RIT2: variants seen among roughly 807,000 people sequenced by gnomAD.
The protein encoded by RIT2 is GTP-binding protein Rit2.
Under a neutral mutation model 23.7 loss-of-function variants are expected in RIT2, and 24 were observed. That is an observed-to-expected ratio of 1.01 (90% CI 0.73 to 1.43). RIT2 has a LOEUF of 1.43. RIT2 is among the 40% of genes most tolerant of loss of function. RIT2 has a pLI of 0.00. For missense variants in RIT2, 236 were observed against 266.9 expected (o/e 0.88, Z 0.81); for synonymous variants, 107 against 91.1 (o/e 1.17, Z -0.99).
chr18:42,855,845 T>C (rs923591111), intron 4 of RIT2, among the ~76,000 whole-genome samples: 10 of 152,198 alleles, frequency 6.6e-5, no homozygotes, highest in African/African-American at 2.2e-4. Flanking sequence ...ATGCAAACAT[T>C]TGATAAACAT....
intron 2 of RIT2, among the ~76,000 whole-genome samples, chr18:43,019,274 A>G (rs373063562): frequency 1.3e-5 from 2 of 152,006 alleles, no homozygotes; most frequent in Admixed American, 6.6e-5. Context: ...AAACATAGAT[A>G]CAAAAATTCT....
At chr18:42,834,970 G>C (rs1906556936) in intron 4 of RIT2, among the ~76,000 whole-genome samples, 1 of 152,074 alleles carries the variant, frequency 6.6e-6, no homozygotes, top group South Asian at 2.1e-4. Context: ...TGCTGAATGA[G>C]CTGGTCAAGC....
At chr18:43,073,474 G>A (rs937683184) in intron 1 of RIT2, among the ~76,000 whole-genome samples, 3 of 152,122 alleles carry the variant, frequency 2.0e-5, no homozygotes, top group Non-Finnish European at 4.4e-5. Context: ...TCTTTGTGAT[G>A]CTAGCTCCAA....
At chr18:42,909,305 C>T (rs1335597275) in intron 4 of RIT2, among the ~76,000 whole-genome samples, 3 of 152,052 alleles carry the variant, frequency 2.0e-5, no homozygotes, top group African/African-American at 7.2e-5. Context: ...ACGTAATGGA[C>T]TTTGAGGACT....
intron 4 of RIT2, among the ~76,000 whole-genome samples, chr18:42,846,392 T>C (rs1906909896): frequency 6.6e-6 from 1 of 151,986 alleles, no homozygotes; most frequent in South Asian, 2.1e-4. Context: ...TTTCAAACCA[T>C]GAATTTGAGT....
intron 2 of RIT2, among the ~76,000 whole-genome samples, chr18:43,011,182 C>T (rs1008508076): frequency 6.6e-6 from 1 of 151,730 alleles, no homozygotes; most frequent in Non-Finnish European, 1.5e-5. Context: ...GACAAAAGCA[C>T]GAGAATCCAG....
chr18:42,989,959 T>C (rs928975960), intron 2 of RIT2, among the ~76,000 whole-genome samples: 7 of 152,068 alleles, frequency 4.6e-5, no homozygotes, highest in African/African-American at 1.7e-4. Context: ...CACACACACA[T>C]ATATTATGTA....
At chr18:42,981,489 T>C (rs1178949682) in intron 2 of RIT2, among the ~76,000 whole-genome samples, 1 of 152,114 alleles carries the variant, frequency 6.6e-6, no homozygotes, top group Non-Finnish European at 1.5e-5. Flanking sequence ...GTCTGATTTA[T>C]ACTAAGACTG....
At chr18:42,855,539 C>T (rs1417007978) in intron 4 of RIT2, among the ~76,000 whole-genome samples, 1 of 152,184 alleles carries the variant, frequency 6.6e-6, no homozygotes, top group Non-Finnish European at 1.5e-5. Context: ...CATCTATTCA[C>T]TTGACCCAAC....
chr18:42,863,827 C>T (rs963618792), intron 4 of RIT2, among the ~76,000 whole-genome samples: 2 of 152,124 alleles, frequency 1.3e-5, no homozygotes, highest in African/African-American at 4.8e-5. Context: ...TCTAGAAAGC[C>T]CCTTTCAAAT....
chr18:42,822,229 C>A (rs16976972), intron 4 of RIT2, among the ~76,000 whole-genome samples: 2 of 152,016 alleles, frequency 1.3e-5, no homozygotes, highest in Admixed American at 6.6e-5. Context: ...AGAGAATAAG[C>A]AGTTCAGAAC....
At chr18:42,996,263 T>C (rs1053844677) in intron 2 of RIT2, among the ~76,000 whole-genome samples, 2 of 152,126 alleles carry the variant, frequency 1.3e-5, no homozygotes, top group Non-Finnish European at 2.9e-5. Context: ...GTTCCCACGC[T>C]GCCCCTAATC....
intron 2 of RIT2, among the ~76,000 whole-genome samples, chr18:43,006,082 A>G (rs1911221291): frequency 6.6e-6 from 1 of 151,754 alleles, no homozygotes; most frequent in Non-Finnish European, 1.5e-5. Context: ...CTTAAGAGAG[A>G]CAAAGGAAAC....
At chr18:43,106,953 A>G (rs2144247252) in intron 1 of RIT2, among the ~76,000 whole-genome samples, 1 of 152,328 alleles carries the variant, frequency 6.6e-6, no homozygotes, top group East Asian at 1.9e-4. Flanking sequence ...GTGATTGAGT[A>G]GATATCATTG....
chr18:43,014,444 T>A (rs1406727550), intron 2 of RIT2, among the ~76,000 whole-genome samples: 1 of 151,594 alleles, frequency 6.6e-6, no homozygotes, highest in African/African-American at 2.4e-5. Context: ...GGAAAGTCAT[T>A]GAAAAATGTT....
chr18:42,803,936 G>A (rs1905607806), intron 4 of RIT2, among the ~76,000 whole-genome samples: 1 of 152,166 alleles, frequency 6.6e-6, no homozygotes, highest in Non-Finnish European at 1.5e-5. Flanking sequence ...GGTAAGTATT[G>A]AGAAGTTGTG....
At chr18:42,813,601 C>T (rs760197556) in intron 4 of RIT2, among the ~76,000 whole-genome samples, 3 of 152,044 alleles carry the variant, frequency 2.0e-5, no homozygotes, top group Non-Finnish European at 4.4e-5. Flanking sequence ...TAAAAAGATG[C>T]TATGTATTAT....
At chr18:42,958,228 T>C (rs1007822267) in intron 3 of RIT2, among the ~76,000 whole-genome samples, 1 of 152,232 alleles carries the variant, frequency 6.6e-6, no homozygotes, top group Admixed American at 6.5e-5. Context: ...GAATTCTGTT[T>C]TAAAATGTAA....
intron 4 of RIT2, among the ~76,000 whole-genome samples, chr18:42,785,735 T>C (rs1356768254): frequency 6.6e-6 from 1 of 152,056 alleles, no homozygotes; most frequent in Non-Finnish European, 1.5e-5. Flanking sequence ...TATAGAATTG[T>C]GGGGATGGTG....
Sources: gnomAD v4.1 joint callset for allele counts (sites outside exome capture counted in the v4.1 genomes callset) on GRCh38, gnomAD v4.1.1 for gene constraint, MANE v1.5 for transcripts, NCBI Gene and HGNC (gene_info 2026-07-23, HGNC 2026-07-21) for gene names.